Variants in INO80 observed in about 807,000 individuals in gnomAD.
INO80 encodes INO80 complex ATPase subunit, also known as chromatin-remodeling ATPase INO80.
Under a neutral mutation model 203.4 loss-of-function variants are expected in INO80, and 20 were observed. That is an observed-to-expected ratio of 0.10 (90% CI 0.07 to 0.14). The LOEUF (loss-of-function observed/expected upper bound fraction) is 0.14. INO80 is among the 10% of genes least tolerant of loss of function. The pLI is 1.00. For synonymous variants in INO80, 726 were observed against 685.2 expected, an observed-to-expected ratio of 1.06 and a Z score of -0.93; for missense variants, 1,419 against 1,914.4, an observed-to-expected ratio of 0.74 and a Z score of 4.83.
chr15:41,074,430 T>C lies in INO80; in HGVS notation c.1267A>G (p.Thr423Ala). The change falls in exon 10 of 36, where the codon ACC becomes GCC. Residue 423 changes from threonine to alanine, a missense_variant. Physicochemically the swap from Thr to Ala is moderately conservative, Grantham distance 58. Transcript: ENST00000648947. ...CCACCTATATCGATTTGTCTCTGGG[T>C]AGAACTGTCTTCCAGTTTCCTTAGG... ...EILRKLEDSS[T>A]QRQIDIGGGV... 6.2e-7 allele frequency: 1 copy of C among 1,614,088 alleles called. No individual in the cohort carries two copies. The highest frequency in any genetic ancestry group is 8.5e-7 in the Non-Finnish European group (1 of 1,179,958).
intron 4 of INO80, among the ~76,000 whole-genome samples, chr15:41,094,570 C>T (rs1034280004): frequency 2.6e-5 from 4 of 152,124 alleles, no homozygotes; most frequent in Non-Finnish European, 5.9e-5. Flanking sequence ...CTGGCACATG[C>T]ACATGGATGC....
chr15:41,042,422 G>A (rs1167413340), intron 24 of INO80, among the ~76,000 whole-genome samples: 1 of 152,062 alleles, frequency 6.6e-6, no homozygotes, highest in African/African-American at 2.4e-5. Context: ...GAAGTGCTAG[G>A]ATTACAGGCC....
intron 26 of INO80, 22 bp from the exon 27 acceptor site, chr15:41,016,237 GA>G: frequency 1.9e-6 from 3 of 1,611,132 alleles, no homozygotes; most frequent in Non-Finnish European, 2.5e-6. Flanking sequence ...AAAAGGGGGT[GA>G]GGGGGAACTG....
At chr15:41,107,436 G>A (rs1163675995) in intron 1 of INO80, among the ~76,000 whole-genome samples, 1 of 152,098 alleles carries the variant, frequency 6.6e-6, no homozygotes, top group Admixed American at 6.6e-5. Flanking sequence ...AGGAGATGAA[G>A]GTTGCAGTGA....
intron 7 of INO80, among the ~76,000 whole-genome samples, chr15:41,083,071 A>G (rs2045508494): frequency 6.6e-6 from 1 of 152,044 alleles, no homozygotes; most frequent in Non-Finnish European, 1.5e-5. Context: ...TCATGAGGTC[A>G]GAAGATCGAG....
chr15:41,116,022 G>A lies in INO80; in HGVS notation c.-93C>T, dbSNP rs1199740555. The A allele has an allele frequency of 3.6e-5, 14 of 392,394 alleles. No individual in the cohort carries two copies. The highest frequency in any genetic ancestry group is 5.9e-5 in the Non-Finnish European group (13 of 222,098). The allele number at this position is 392,394 out of a possible 1,614,324, so 24.3% of individuals were successfully genotyped here. ...GCGACGGCGGCGGAGGGGGGGCGGG[G>A]TGCGGGCGGGGTCCGGAGGGGGGGG... is the stretch of plus-strand genomic sequence containing the variant. On this transcript the variant is annotated 5_prime_UTR_variant, in exon 1 of 36. Transcript: ENST00000648947.
chr15:41,074,838 G>A (rs28516832), intron 9 of INO80, among the ~76,000 whole-genome samples: 27,622 of 152,044 alleles, frequency 0.18, 3,212 homozygotes, highest in Non-Finnish European at 0.26. Context: ...TCCGCCTCCC[G>A]GGTTCAAGCT....
chr15:41,008,388 CAT>C (rs2140444267), intron 27 of INO80, among the ~76,000 whole-genome samples: 1 of 152,048 alleles, frequency 6.6e-6, no homozygotes, highest in Admixed American at 6.6e-5. Flanking sequence ...AGTTAAAACT[CAT>C]AAAAGTAGAG....
chr15:41,112,811 A>C lies in INO80; in HGVS notation c.-44+3162T>G, dbSNP rs1019838897. On this transcript the variant is annotated intron_variant, in intron 1 of 35. Transcript: ENST00000648947. Reference sequence around the variant, plus strand: ...CAAAAAAAAAAAAAAAAAAAAAAAAAAACTTTTCAACTGTTTTCCTACAAA... The same window carrying C: ...CAAAAAAAAAAAAAAAAAAAAAAAACAACTTTTCAACTGTTTTCCTACAAA... Among the ~76,000 whole-genome samples the C allele has an allele frequency of 2.0e-3, 306 of 150,896 alleles. 1 individual carries two copies. The highest frequency in any genetic ancestry group is 8.8e-3 in the South Asian group (42 of 4,752).
intron 27 of INO80, among the ~76,000 whole-genome samples, chr15:41,014,494 T>C (rs1470386564): frequency 6.6e-6 from 1 of 152,190 alleles, no homozygotes. Context: ...TTTGGATTAC[T>C]ACTGTTAGGA....
intron 12 of INO80, among the ~76,000 whole-genome samples, chr15:41,071,437 G>A (rs1412648934): frequency 7.5e-6 from 1 of 132,798 alleles, no homozygotes; most frequent in Admixed American, 7.7e-5. Flanking sequence ...ACATGATCTT[G>A]TACTCATTTC....
At chr15:41,080,414 C>T (rs955346501) in intron 8 of INO80, among the ~76,000 whole-genome samples, 22 of 152,222 alleles carry the variant, frequency 1.4e-4, no homozygotes, top group African/African-American at 5.3e-4. Context: ...TTTTAGTCTC[C>T]TCTAAGGGAA....
Position 40,987,942 on chromosome 15 carries a change from A to G in INO80, c.3603T>C (p.Thr1201=). The G allele has an allele frequency of 6.2e-7, 1 of 1,613,964 alleles. No homozygotes were observed. The highest frequency in any genetic ancestry group is 8.5e-7 in the Non-Finnish European group (1 of 1,179,918). ...VIFYDSDWNP[T]VDQQAMDRAH... The stretch of plus-strand genomic sequence containing the variant: ...CCCTGTCCATGGCCTGCTGGTCCAC[A>G]GTGGGGTTCCAGTCGCTATCATAGA... Residue 1201 remains threonine (T), a synonymous_variant, in exon 30 of 36, where the codon ACT becomes ACC. Transcript: ENST00000648947.
At chr15:41,010,431 C>A (rs2044116849) in intron 27 of INO80, among the ~76,000 whole-genome samples, 1 of 150,536 alleles carries the variant, frequency 6.6e-6, no homozygotes, top group East Asian at 2.0e-4. Flanking sequence ...TTTTAATTTT[C>A]ATGGGTATAT....
intron 28 of INO80, among the ~76,000 whole-genome samples, chr15:40,998,549 T>C (rs2043912594): frequency 6.6e-6 from 1 of 152,212 alleles, no homozygotes; most frequent in South Asian, 2.1e-4. Context: ...AAAGAAACAC[T>C]GAATTACAAA....
intron 7 of INO80, among the ~76,000 whole-genome samples, chr15:41,081,295 T>A (rs1217864363): frequency 6.6e-6 from 1 of 152,196 alleles, no homozygotes; most frequent in Non-Finnish European, 1.5e-5. Context: ...ATGCCTTAAA[T>A]AGTCTTCTGT....
intron 31 of INO80, among the ~76,000 whole-genome samples, chr15:40,986,181 T>TA: frequency 6.6e-6 from 1 of 152,292 alleles, no homozygotes; most frequent in South Asian, 2.1e-4. Context: ...AACTTTTCCA[T>TA]AAAAACATTT....
Position 41,048,273 on chromosome 15 carries a change from C to A in INO80, c.2580G>T (p.Trp860Cys), listed in dbSNP as rs774508951. 1 of 1,610,904 alleles carries A rather than the reference C, an allele frequency of 6.2e-7. No individual in the cohort carries two copies. Among genetic ancestry groups the A allele is most frequent in the Non-Finnish European group, 8.5e-7 (1 of 1,177,462 alleles). Residue 860 changes from tryptophan to cysteine, a missense_variant, in exon 22 of 36, where the codon TGG becomes TGT. This residue lies in a region of INO80 where 302 missense variants were observed against 345.4 expected (regional missense o/e 0.87). Coordinates refer to ENST00000648947, the MANE Select transcript of INO80 (RefSeq NM_017553.3). The stretch of plus-strand genomic sequence containing the variant: ...GTGCAAATGGAGAAAGAACCCTTAA[C>A]CACCTGCAAAGTAAGTAAATAAAAT... ...IRVFNHSRDR[W>C]LRVLSPFAPD...
Position 41,116,039 on chromosome 15 carries a change from AG to A in INO80, c.-111del, listed in dbSNP as rs1222129920. On this transcript the variant is annotated 5_prime_UTR_variant, in exon 1 of 36. It removes the in-frame stop codon of an upstream open reading frame in the 5' UTR. Coordinates refer to ENST00000648947, the MANE Select transcript of INO80 (RefSeq NM_017553.3). ...GGGGCGGGGTGCGGGCGGGGTCCGG[AG>A]GGGGGGGTCGCCCCGCCGACGGTGG... The A allele has an allele frequency of 4.9e-5, 19 of 390,430 alleles. 1 individual carries two copies. Among genetic ancestry groups the A allele is most frequent in the Admixed American group, 4.5e-4 (10 of 22,358 alleles). The allele number at this position is 390,430 out of a possible 1,614,324, so 24.2% of individuals were successfully genotyped here.
Sources: gnomAD v4.1 joint callset for allele counts (sites outside exome capture counted in the v4.1 genomes callset) on GRCh38, gnomAD v4.1.1 for gene constraint, gnomAD v4.1.1 regional missense constraint, MANE v1.5 for transcripts, NCBI Gene and HGNC (gene_info 2026-07-23, HGNC 2026-07-21) for gene names.